Variants in LAMA2 observed in about 807,000 individuals in gnomAD.
The protein encoded by LAMA2 is laminin subunit alpha-2.
In LAMA2, 269 loss-of-function variants were observed where a neutral mutation model predicts 364.8. The observed-to-expected ratio is 0.74, with a 90% CI of 0.67 to 0.82. The LOEUF (loss-of-function observed/expected upper bound fraction) is 0.82. LAMA2 is among the 40% of genes least tolerant of loss of function. LAMA2 has a pLI of 0.00. For missense variants in LAMA2, 3,807 were observed against 3,873.2 expected, an observed-to-expected ratio of 0.98 and a Z score of 0.45; for synonymous variants, 1,379 against 1,370.6, an observed-to-expected ratio of 1.01 and a Z score of -0.14.
At position 129,270,621 on chromosome 6, in the gene LAMA2, C is replaced by G; in HGVS notation, c.2323-3C>G. 6.2e-7 allele frequency: 1 copy of G among 1,612,840 alleles called. No homozygotes were observed. Among genetic ancestry groups the G allele is most frequent in the Non-Finnish European group, 8.5e-7 (1 of 1,179,228 alleles). ...TAAACTCTGATGCTCATTTCTTTCTCAGAACTGTAAGGATCACACAGGTGG... is the reference window on the plus strand; with the variant it reads ...TAAACTCTGATGCTCATTTCTTTCTGAGAACTGTAAGGATCACACAGGTGG... On this transcript the variant is annotated splice_polypyrimidine_tract_variant and splice_region_variant and intron_variant, in intron 16 of 64. Coordinates refer to ENST00000421865, the MANE Select transcript of LAMA2 (RefSeq NM_000426.4).
chr6:129,257,210 A>G (rs906612243), intron 14 of LAMA2, among the ~76,000 whole-genome samples: 12 of 151,458 alleles, frequency 7.9e-5, no homozygotes, highest in Admixed American at 4.6e-4. Context: ...ACTGAAGGGG[A>G]AAAAAAAATA....
intron 7 of LAMA2, among the ~76,000 whole-genome samples, chr6:129,151,090 A>T (rs145824459): frequency 1.9e-3 from 289 of 152,310 alleles, no homozygotes; most frequent in East Asian, 0.013. Context: ...TAGAGAAAAA[A>T]CATGGCTTTG....
intron 12 of LAMA2, among the ~76,000 whole-genome samples, chr6:129,242,624 C>G (rs1053328876): frequency 6.6e-6 from 1 of 152,056 alleles, no homozygotes; most frequent in African/African-American, 2.4e-5. Context: ...ATTTTTTGCA[C>G]TGAATATTTA....
chr6:129,454,439 G>A (rs1782852866), intron 47 of LAMA2, 151 bp downstream of exon 47: 1 of 641,646 alleles, frequency 1.6e-6, no homozygotes, highest in African/African-American at 1.8e-5. Flanking sequence ...TCTGGGAGTG[G>A]GTATGTTTGT....
At chr6:129,151,423 C>T (rs1472976853) in intron 7 of LAMA2, among the ~76,000 whole-genome samples, 2 of 152,142 alleles carry the variant, frequency 1.3e-5, no homozygotes, top group African/African-American at 4.8e-5. Flanking sequence ...CAGTGGCATG[C>T]TCCTATAATC....
intron 52 of LAMA2, 29 bp downstream of exon 52, chr6:129,473,381 A>T: frequency 6.2e-7 from 1 of 1,602,178 alleles, no homozygotes; most frequent in Non-Finnish European, 8.5e-7. Flanking sequence ...AAAGCTAAGG[A>T]TTAAGTTTTA....
chr6:129,308,207 GA>G (rs1773998184), intron 22 of LAMA2, among the ~76,000 whole-genome samples: 1 of 152,138 alleles, frequency 6.6e-6, no homozygotes, highest in Admixed American at 6.5e-5. Flanking sequence ...TACATTTTTA[GA>G]AAGAAATCAA....
At chr6:129,112,909 A>G (rs1234228734) in intron 4 of LAMA2, among the ~76,000 whole-genome samples, 1 of 152,034 alleles carries the variant, frequency 6.6e-6, no homozygotes, top group Admixed American at 6.6e-5. Flanking sequence ...CCAAACTGTA[A>G]AACAGTTTCA....
At chr6:129,246,511 G>A (rs1469248590) in intron 12 of LAMA2, among the ~76,000 whole-genome samples, 1 of 152,178 alleles carries the variant, frequency 6.6e-6, no homozygotes, top group Non-Finnish European at 1.5e-5. Flanking sequence ...CACAGTTTGT[G>A]AACACAGGGG....
At chr6:128,929,319 AGAGCCAAGTACAC>A in intron 1 of LAMA2, 1 of 1,195,892 alleles carries the variant, frequency 8.4e-7, no homozygotes, top group Middle Eastern at 2.2e-4. Flanking sequence ...TCACTCTCAC[AGAGCCAAGTACAC>A]GGCCCAAAGA....
In LAMA2 at chr6:129,440,949, A is replaced by T. The variant is rs750526928; in HGVS notation, c.6219A>T (p.Ala2073=). The T allele has an allele frequency of 3.8e-5, 61 of 1,613,882 alleles. 2 individuals carry two copies. In the South Asian group the frequency reaches 6.7e-4, roughly 18 times the overall value. The change falls in exon 43 of 65, where the codon GCA becomes GCT. Residue 2073 remains alanine (A), a synonymous_variant. Coordinates refer to ENST00000421865, the MANE Select transcript of LAMA2 (RefSeq NM_000426.4). The stretch of plus-strand genomic sequence containing the variant: ...TGAAGAAGAATTACAATAAACTAGC[A>T]GACAGCGTCGCCAAAACGAATGCTG... ...DGLKKNYNKL[A]DSVAKTNAVV...
At chr6:129,176,208 A>G (rs931886346) in intron 9 of LAMA2, among the ~76,000 whole-genome samples, 22 of 151,970 alleles carry the variant, frequency 1.4e-4, no homozygotes, top group Admixed American at 1.1e-3. Flanking sequence ...AAAGAGAAAT[A>G]TTTAGGCATT....
At chr6:129,084,458 T>C (rs1384468878) in intron 3 of LAMA2, among the ~76,000 whole-genome samples, 2 of 152,134 alleles carry the variant, frequency 1.3e-5, no homozygotes, top group Non-Finnish European at 2.9e-5. Flanking sequence ...TATCTACAAT[T>C]CAAATCATGA....
At chr6:128,965,183 T>C (rs899007839) in intron 1 of LAMA2, among the ~76,000 whole-genome samples, 2 of 151,998 alleles carry the variant, frequency 1.3e-5, no homozygotes, top group Non-Finnish European at 2.9e-5. Context: ...TTTTGGTAAA[T>C]AGCAATTGGA....
intron 12 of LAMA2, among the ~76,000 whole-genome samples, chr6:129,203,744 T>C (rs1782445894): frequency 1.3e-5 from 2 of 152,194 alleles, no homozygotes; most frequent in South Asian, 4.1e-4. Flanking sequence ...CTTTGATTAG[T>C]GTTTTGGTCT....
chr6:129,244,774 T>C (rs1266126105), intron 12 of LAMA2, among the ~76,000 whole-genome samples: 1 of 152,156 alleles, frequency 6.6e-6, no homozygotes, highest in Non-Finnish European at 1.5e-5. Context: ...TAAATTCTTT[T>C]ATGAAGCTTA....
At chr6:129,409,172 C>G (rs1780398449) in intron 40 of LAMA2, among the ~76,000 whole-genome samples, 1 of 152,214 alleles carries the variant, frequency 6.6e-6, no homozygotes, top group Admixed American at 6.5e-5. Context: ...CTTCCCTTTG[C>G]TACTGTCCTT....
intron 34 of LAMA2, 92 bp from the exon 35 acceptor site, chr6:129,383,030 A>G (rs1381692217): frequency 4.0e-6 from 4 of 1,008,816 alleles, no homozygotes; most frequent in East Asian, 4.9e-5. Context: ...GCTCAAAGTA[A>G]TATTTGAAAG....
intron 25 of LAMA2, 44 bp downstream of exon 25, chr6:129,315,699 C>A (rs1299499894): frequency 6.2e-7 from 1 of 1,610,922 alleles, no homozygotes; most frequent in Non-Finnish European, 8.5e-7. Context: ...AAGATAAAAT[C>A]TTTTTAGAAT....
Sources: allele counts gnomAD v4.1 joint callset (sites outside exome capture counted in the v4.1 genomes callset), GRCh38; gene constraint gnomAD v4.1.1; transcripts MANE v1.5; gene names NCBI Gene and HGNC (gene_info 2026-07-23, HGNC 2026-07-21).